Variants in ATP6V1C1 observed in about 807,000 individuals in gnomAD.
ATP6V1C1 encodes V-type proton ATPase subunit C 1.
ATP6V1C1 carries 45 observed loss-of-function variants against 53.9 expected under a neutral mutation model. The ratio of observed to expected loss-of-function variants is 0.83; its 90% CI spans 0.66 to 1.07. The LOEUF (loss-of-function observed/expected upper bound fraction) is 1.07, where lower values mean the gene tolerates loss of function less well. ATP6V1C1 is among the 50% of genes least tolerant of loss of function. The pLI is 0.00. For synonymous variants in ATP6V1C1, 153 were observed against 155.2 expected (o/e 0.99, Z 0.11); for missense variants, 315 against 440.3 (o/e 0.72, Z 2.55).
chr8:103,034,576 T>A (rs951961500), intron 1 of ATP6V1C1, among the ~76,000 whole-genome samples: 1 of 151,966 alleles, frequency 6.6e-6, no homozygotes, highest in African/African-American at 2.4e-5. Flanking sequence ...ATAATTTTTT[T>A]TTTTTTTTTT....
intron 8 of ATP6V1C1, among the ~76,000 whole-genome samples, chr8:103,056,665 TA>T (rs1817294096): frequency 6.6e-6 from 1 of 152,206 alleles, no homozygotes; most frequent in African/African-American, 2.4e-5. Context: ...TGTACCCTTT[TA>T]ACACTATTCC....
chr8:103,030,496 A>G (rs1306581046), intron 1 of ATP6V1C1, among the ~76,000 whole-genome samples: 1 of 152,206 alleles, frequency 6.6e-6, no homozygotes, highest in African/African-American at 2.4e-5. Flanking sequence ...ACAATTACAA[A>G]TCTGGACAAG....
intron 6 of ATP6V1C1, 27 bp downstream of exon 6, chr8:103,052,849 C>G: frequency 6.9e-7 from 1 of 1,441,450 alleles, no homozygotes; most frequent in Non-Finnish European, 9.5e-7. Flanking sequence ...TATTTGAGTA[C>G]TAAGAACTGG....
intron 1 of ATP6V1C1, among the ~76,000 whole-genome samples, chr8:103,025,503 A>G (rs956474287): frequency 7.2e-5 from 11 of 152,284 alleles, no homozygotes; most frequent in Non-Finnish European, 1.5e-4. Flanking sequence ...ATGGAATTCA[A>G]GTAATTTAAA....
Position 103,062,161 on chromosome 8 carries a change from G to GTTT in ATP6V1C1, c.642-767_642-765dup, listed in dbSNP as rs767825523. ...TATTTAGACAGTTGTGTTCATCAGGGTTTTTTTTTTTTTTTTTTTTTTTTT... is the reference window on the plus strand; with the variant it reads ...TATTTAGACAGTTGTGTTCATCAGGGTTTTTTTTTTTTTTTTTTTTTTTTTTTT... On this transcript the variant is annotated intron_variant, in intron 8 of 12. Coordinates refer to ENST00000518738, the MANE Select transcript of ATP6V1C1 (RefSeq NM_001695.5). 4.2e-3 allele frequency among the ~76,000 whole-genome samples: 297 copies of GTTT among 70,800 alleles called. 34 individuals carry two copies. The highest frequency in any genetic ancestry group is 5.1e-3 in the African/African-American group (86 of 16,966). 46.4% of individuals were successfully genotyped at this position (70,800 alleles called of 152,430 possible).
In ATP6V1C1 at chr8:103,052,805, T is replaced by C; in HGVS notation, c.456T>C (p.Asn152=). 6.3e-7 allele frequency: 1 copy of C among 1,596,516 alleles called. No individual in the cohort carries two copies. Among genetic ancestry groups the C allele is most frequent in the Non-Finnish European group, 8.5e-7 (1 of 1,172,276 alleles). The stretch of plus-strand genomic sequence containing the variant: ...ATAACCTGAAAGGAAATCTTCAGAA[T>C]TTGGAACGAAAGAATGCGTAAGCAG... ...AYNNLKGNLQ[N]LERKNAGSLL... Residue 152 remains asparagine, a synonymous_variant, in exon 6 of 13, where the codon AAT becomes AAC. Coordinates refer to ENST00000518738, the MANE Select transcript of ATP6V1C1 (RefSeq NM_001695.5).
intron 1 of ATP6V1C1, among the ~76,000 whole-genome samples, chr8:103,036,894 T>C (rs564288107): frequency 6.6e-6 from 1 of 152,324 alleles, no homozygotes; most frequent in Non-Finnish European, 1.5e-5. Context: ...GGTATAAAAA[T>C]GTATCCTTTG....
chr8:103,031,318 A>G (rs924294265), intron 1 of ATP6V1C1, among the ~76,000 whole-genome samples: 3 of 152,220 alleles, frequency 2.0e-5, no homozygotes, highest in African/African-American at 4.8e-5. Context: ...ATTTGTTGCC[A>G]TAAAGGAATC....
rs117528820 is a variant in ATP6V1C1, at chr8:103,050,271, T to G, written c.287-779T>G. On this transcript the variant is annotated intron_variant, in intron 4 of 12. Transcript: ENST00000518738. ...CTTTACTGATCTTCTACGTATTTTA[T>G]GAACTAGGGCAGTCAGTCTAGTAGG... Among the ~76,000 whole-genome samples, 654 of 152,350 alleles carry G rather than the reference T, an allele frequency of 4.3e-3. 7 individuals carry two copies. Among genetic ancestry groups the G allele is most frequent in the Middle Eastern group, 0.027 (8 of 294 alleles).
chr8:103,031,427 T>C (rs1816794517), intron 1 of ATP6V1C1, among the ~76,000 whole-genome samples: 1 of 152,140 alleles, frequency 6.6e-6, no homozygotes, highest in Non-Finnish European at 1.5e-5. Context: ...CTCATGAGGC[T>C]TCAGGAAGCT....
At chr8:103,049,857 T>C (rs1817170195) in intron 4 of ATP6V1C1, among the ~76,000 whole-genome samples, 1 of 152,048 alleles carries the variant, frequency 6.6e-6, no homozygotes, top group Non-Finnish European at 1.5e-5. Context: ...GTCAGGAGGC[T>C]GAGGAGGGGG....
At chr8:103,034,714 G>A (rs374791924) in intron 1 of ATP6V1C1, among the ~76,000 whole-genome samples, 2 of 151,932 alleles carry the variant, frequency 1.3e-5, no homozygotes, top group Non-Finnish European at 1.5e-5. Flanking sequence ...GATTACAGGC[G>A]CATGCCACCA....
chr8:103,063,943 C>A (rs1159195942), intron 10 of ATP6V1C1, among the ~76,000 whole-genome samples: 4 of 152,144 alleles, frequency 2.6e-5, no homozygotes, highest in African/African-American at 9.7e-5. Flanking sequence ...CTCATTCTAA[C>A]CAAGTAATGT....
At chr8:103,029,544 A>C (rs778122278) in intron 1 of ATP6V1C1, among the ~76,000 whole-genome samples, 3 of 152,140 alleles carry the variant, frequency 2.0e-5, no homozygotes, top group Non-Finnish European at 2.9e-5. Flanking sequence ...TTGGGATTAC[A>C]GGCATGAGCC....
chr8:103,042,506 G>T, intron 3 of ATP6V1C1, 99 bp downstream of exon 3: 2 of 1,231,884 alleles, frequency 1.6e-6, no homozygotes, highest in Non-Finnish European at 2.3e-6. Flanking sequence ...TCTGCTTATT[G>T]GAATGGTTTT....
Position 103,055,853 on chromosome 8 carries a change from G to A in ATP6V1C1, c.573-15G>A, listed in dbSNP as rs1817282099. The A allele has an allele frequency of 1.9e-6, 3 of 1,609,242 alleles. No homozygotes were observed. Among genetic ancestry groups the A allele is most frequent in the Non-Finnish European group, 2.5e-6 (3 of 1,176,996 alleles). On this transcript the variant is annotated splice_polypyrimidine_tract_variant and intron_variant, in intron 7 of 12. Coordinates refer to ENST00000518738, the MANE Select transcript of ATP6V1C1 (RefSeq NM_001695.5). ...TTGTTTTTCTTTTCCAATGTGTATTGTACCTTTTCTGCAGGTTAAACCACA... is the reference window on the plus strand; with the variant it reads ...TTGTTTTTCTTTTCCAATGTGTATTATACCTTTTCTGCAGGTTAAACCACA...
At chr8:103,027,373 C>A (rs143217056) in intron 1 of ATP6V1C1, among the ~76,000 whole-genome samples, 1 of 152,164 alleles carries the variant, frequency 6.6e-6, no homozygotes, top group Non-Finnish European at 1.5e-5. Flanking sequence ...AGTTAAGTGT[C>A]GGAGCACTTA....
At position 103,052,770 on chromosome 8, in the gene ATP6V1C1, T is replaced by A; in HGVS notation, c.421T>A (p.Ser141Thr). ...TGATAATGACCTGAAATCTCGAGCA[T>A]CTGCATACAATAACCTGAAAGGAAA... Reference protein sequence around the residue: ...QIDNDLKSRASAYNNLKGNLQ... With the variant: ...QIDNDLKSRATAYNNLKGNLQ... Residue 141 changes from serine (S) to threonine (T), a missense_variant, in exon 6 of 13, where the codon TCT becomes ACT. Physicochemically the swap from Ser to Thr is moderately conservative, Grantham distance 58. Coordinates refer to ENST00000518738, the MANE Select transcript of ATP6V1C1 (RefSeq NM_001695.5). 1 of 1,598,004 alleles carries A rather than the reference T, an allele frequency of 6.3e-7. No individual in the cohort carries two copies. The highest frequency in any genetic ancestry group is 8.5e-7 in the Non-Finnish European group (1 of 1,173,550).
At chr8:103,033,294 C>A (rs926055155) in intron 1 of ATP6V1C1, among the ~76,000 whole-genome samples, 2 of 152,166 alleles carry the variant, frequency 1.3e-5, no homozygotes, top group Non-Finnish European at 2.9e-5. Flanking sequence ...AAAAACTCAT[C>A]AAACTCTTAC....
Sources: gnomAD v4.1 joint callset for allele counts (sites outside exome capture counted in the v4.1 genomes callset) on GRCh38, gnomAD v4.1.1 for gene constraint, MANE v1.5 for transcripts, NCBI Gene and HGNC (gene_info 2026-07-23, HGNC 2026-07-21) for gene names.